Variants in TRABD2B observed in about 807,000 individuals in gnomAD.
TRABD2B encodes the protein metalloprotease TIKI2.
In TRABD2B, 14 loss-of-function variants were observed where a neutral mutation model predicts 40.1. The ratio of observed to expected loss-of-function variants is 0.35; its 90% CI spans 0.23 to 0.55. The LOEUF is 0.55. TRABD2B is among the 20% of genes least tolerant of loss of function. The pLI is 0.90. For missense variants in TRABD2B, 541 were observed against 648.6 expected, an observed-to-expected ratio of 0.83 and a Z score of 1.80; for synonymous variants, 263 against 277.0, an observed-to-expected ratio of 0.95 and a Z score of 0.50.
intron 2 of TRABD2B, among the ~76,000 whole-genome samples, chr1:47,893,243 A>C (rs78445933): frequency 0.024 from 3,688 of 152,292 alleles, 108 homozygotes; most frequent in Admixed American, 0.09. Flanking sequence ...TATCTAAAAA[A>C]AAAAACAAAA....
At chr1:47,947,733 A>G (rs1645279695) in intron 2 of TRABD2B, among the ~76,000 whole-genome samples, 2 of 152,224 alleles carry the variant, frequency 1.3e-5, no homozygotes, top group African/African-American at 4.8e-5. Context: ...GCTGATGCTG[A>G]GCAGAGCTGA....
chr1:47,930,544 C>T (rs1055390232), intron 2 of TRABD2B, among the ~76,000 whole-genome samples: 5 of 152,208 alleles, frequency 3.3e-5, no homozygotes, highest in African/African-American at 1.2e-4. Context: ...TACTGCCCTG[C>T]AGAGGCTTCA....
At chr1:47,768,387 T>C (rs899385410) in intron 6 of TRABD2B, among the ~76,000 whole-genome samples, 1 of 152,104 alleles carries the variant, frequency 6.6e-6, no homozygotes, top group Non-Finnish European at 1.5e-5. Flanking sequence ...GAATCAAGCA[T>C]GTTGTGCCTC....
At chr1:47,923,953 C>T (rs945404764) in intron 2 of TRABD2B, among the ~76,000 whole-genome samples, 2 of 149,790 alleles carry the variant, frequency 1.3e-5, no homozygotes, top group African/African-American at 5.0e-5. Flanking sequence ...CACACACACA[C>T]ACACACACAC....
chr1:47,785,979 G>C (rs1569929551), intron 4 of TRABD2B, among the ~76,000 whole-genome samples: 1 of 152,228 alleles, frequency 6.6e-6, no homozygotes, highest in East Asian at 1.9e-4. Flanking sequence ...CTCGACCCCA[G>C]TGGCTCTACT....
At chr1:47,944,026 T>C (rs1369969173) in intron 2 of TRABD2B, among the ~76,000 whole-genome samples, 1 of 152,200 alleles carries the variant, frequency 6.6e-6, no homozygotes, top group Non-Finnish European at 1.5e-5. Context: ...CTATGCACTG[T>C]CATGAGCAAT....
chr1:47,943,480 G>GGTTCT (rs1645215176), intron 2 of TRABD2B, among the ~76,000 whole-genome samples: 1 of 152,088 alleles, frequency 6.6e-6, no homozygotes, highest in East Asian at 1.9e-4. Flanking sequence ...CCTAATGCAA[G>GGTTCT]ACCTTAGTTC....
chr1:47,931,425 G>A (rs1645038571), intron 2 of TRABD2B, among the ~76,000 whole-genome samples: 1 of 152,102 alleles, frequency 6.6e-6, no homozygotes. Context: ...GGGGGTCTAT[G>A]TCCCCACTCC....
chr1:47,870,144 G>T (rs1202401443), intron 2 of TRABD2B, among the ~76,000 whole-genome samples: 1 of 152,122 alleles, frequency 6.6e-6, no homozygotes, highest in African/African-American at 2.4e-5. Flanking sequence ...GGTATTTCTT[G>T]TACTCCCATC....
At chr1:47,869,629 ACTT>A (rs1230129606) in intron 2 of TRABD2B, among the ~76,000 whole-genome samples, 3 of 152,162 alleles carry the variant, frequency 2.0e-5, no homozygotes, top group African/African-American at 7.2e-5. Flanking sequence ...GGCCAGGGTT[ACTT>A]CTTCTTCATC....
intron 2 of TRABD2B, among the ~76,000 whole-genome samples, chr1:47,853,689 A>G (rs973706650): frequency 1.3e-5 from 2 of 152,128 alleles, no homozygotes; most frequent in Admixed American, 6.5e-5. Flanking sequence ...CCATCCACCT[A>G]TCCACCCATC....
chr1:47,789,250 C>T (rs1388147589), intron 4 of TRABD2B, among the ~76,000 whole-genome samples: 1 of 152,162 alleles, frequency 6.6e-6, no homozygotes, highest in Non-Finnish European at 1.5e-5. Flanking sequence ...TCCACATTTA[C>T]ACCCCAGCTG....
intron 2 of TRABD2B, among the ~76,000 whole-genome samples, chr1:47,972,604 GA>G (rs35508849): frequency 6.6e-6 from 1 of 152,124 alleles, no homozygotes; most frequent in African/African-American, 2.4e-5. Flanking sequence ...ACCAGAACCC[GA>G]ACATGCTGGC....
chr1:47,773,674 C>T (rs145601008), intron 6 of TRABD2B, among the ~76,000 whole-genome samples: 38 of 152,306 alleles, frequency 2.5e-4, no homozygotes, highest in African/African-American at 8.7e-4. Context: ...GCTTCCTCAG[C>T]CATGTGGAAC....
At chr1:47,941,874 C>T (rs1645193480) in intron 2 of TRABD2B, among the ~76,000 whole-genome samples, 1 of 152,196 alleles carries the variant, frequency 6.6e-6, no homozygotes, top group African/African-American at 2.4e-5. Context: ...AACTTAGCCA[C>T]CAGGTTTTAG....
intron 6 of TRABD2B, among the ~76,000 whole-genome samples, chr1:47,770,440 C>T (rs943672910): frequency 5.3e-5 from 8 of 152,246 alleles, no homozygotes; most frequent in Admixed American, 3.9e-4. Flanking sequence ...TCACGCTTTG[C>T]TCAGCCTCAC....
chr1:47,783,666 G>A lies in TRABD2B; in HGVS notation c.989-5122C>T, dbSNP rs1644556255. On this transcript the variant is annotated intron_variant, in intron 4 of 6. Transcript: ENST00000606738. ...AAGAGGTTCCCTGCTCTGAGCAGGT[G>A]CAGCCCCCATGATGTTTTAGTGCAA... is the stretch of plus-strand genomic sequence containing the variant. Among the ~76,000 whole-genome samples the A allele has an allele frequency of 2.0e-5, 3 of 152,198 alleles. No individual in the cohort carries two copies. The South Asian group carries it at 6.2e-4, about 32-fold the overall frequency.
intron 2 of TRABD2B, among the ~76,000 whole-genome samples, chr1:47,923,880 ATCTC>A (rs1316334322): frequency 3.4e-5 from 5 of 144,950 alleles, no homozygotes; most frequent in African/African-American, 7.8e-5. Flanking sequence ...CATAAAATCA[ATCTC>A]TCTCTCTCAC....
At chr1:47,909,906 C>A (rs577713683) in intron 2 of TRABD2B, among the ~76,000 whole-genome samples, 1 of 151,058 alleles carries the variant, frequency 6.6e-6, no homozygotes, top group African/African-American at 2.4e-5. Flanking sequence ...AGGGGGGGGG[C>A]TGGAGCACAG....
Sources: allele counts gnomAD v4.1 joint callset (sites outside exome capture counted in the v4.1 genomes callset), GRCh38; gene constraint gnomAD v4.1.1; transcripts MANE v1.5; gene names NCBI Gene and HGNC (gene_info 2026-07-23, HGNC 2026-07-21).